The following IFT20 variants were observed in gnomAD, a reference collection of about 807,000 sequenced individuals.
IFT20 encodes intraflagellar transport 20.
Under a neutral mutation model 16.9 loss-of-function variants are expected in IFT20, and 4 were observed. The ratio of observed to expected loss-of-function variants is 0.24; its 90% CI spans 0.12 to 0.54. IFT20 has a LOEUF of 0.54. Ranked by LOEUF, IFT20 falls within the 20% of genes least tolerant of loss-of-function variation. The pLI is 0.95. For missense variants in IFT20, 154 were observed against 149.7 expected, an observed-to-expected ratio of 1.03 and a Z score of -0.15; for synonymous variants, 48 against 49.9, an observed-to-expected ratio of 0.96 and a Z score of 0.16.
intron 3 of IFT20, chr17:28,330,185 G>A (rs782686075): frequency 7.1e-5 from 44 of 619,300 alleles, no homozygotes; most frequent in African/African-American, 4.8e-4. Context: ...GCAGTGAGCC[G>A]AGATTGCACC....
At position 28,328,623 on chromosome 17, in the gene IFT20, C is replaced by G; in HGVS notation, c.*29G>C. ...TTTGAGAGGCTTTTTTTTGTTTTGCCTTCCTACTATAAAAGCGAAATTTTC... is the reference window on the plus strand; with the variant it reads ...TTTGAGAGGCTTTTTTTTGTTTTGCGTTCCTACTATAAAAGCGAAATTTTC... On this transcript the variant is annotated 3_prime_UTR_variant, in exon 5 of 5. Transcript: ENST00000395418. 6.7e-7 allele frequency: 1 copy of G among 1,497,494 alleles called. No individual in the cohort carries two copies. Among genetic ancestry groups the G allele is most frequent in the South Asian group, 1.2e-5 (1 of 83,414 alleles). The allele number at this position is 1,497,494 out of a possible 1,614,324, so 92.8% of individuals were successfully genotyped here.
At chr17:28,332,265 A>T (rs527555659) in intron 1 of IFT20, 2 of 1,485,238 alleles carry the variant, frequency 1.3e-6, no homozygotes, top group East Asian at 4.9e-5. Flanking sequence ...TGCTTGTCAC[A>T]GGCATCGTTC....
At chr17:28,332,315 A>ATGTAGTG in intron 1 of IFT20, 5 of 1,014,498 alleles carry the variant, frequency 4.9e-6, no homozygotes, top group Non-Finnish European at 7.3e-6. Flanking sequence ...ACATGCCAAC[A>ATGTAGTG]CTGCTAGATG....
chr17:28,335,227 G>A (rs1434734108), intron 1 of IFT20, 113 bp downstream of exon 1: 1 of 152,204 alleles, frequency 6.6e-6, no homozygotes, highest in African/African-American at 2.4e-5. Context: ...CTGAGAGTGG[G>A]GCGGAATTCC....
Position 28,328,696 on chromosome 17 carries a change from C to T in IFT20, c.355G>A (p.Ala119Thr), listed in dbSNP as rs1555575939. 2.5e-6 allele frequency: 4 copies of T among 1,604,722 alleles called. No homozygotes were observed. The highest frequency in any genetic ancestry group is 2.5e-6 in the Non-Finnish European group (3 of 1,176,630). The change falls in exon 5 of 5, where the codon GCA becomes ACA. Residue 119 changes from alanine (A) to threonine (T), a missense_variant. Physicochemically the swap from Ala to Thr is moderately conservative, Grantham distance 58. Transcript: ENST00000395418. ...VEYEALCKVE[A>T]EQNEFIDQFI... Reference sequence around the variant, plus strand: ...TGGTCAATAAATTCATTTTGTTCTGCTTCTACTTTACACAAAGCTTCATAT... The same window carrying T: ...TGGTCAATAAATTCATTTTGTTCTGTTTCTACTTTACACAAAGCTTCATAT...
At chr17:28,330,933 G>T (rs369927045) in intron 2 of IFT20, among the ~76,000 whole-genome samples, 1 of 152,198 alleles carries the variant, frequency 6.6e-6, no homozygotes, top group East Asian at 1.9e-4. Context: ...TATGACCTCC[G>T]GCTATGAAAG....
At chr17:28,329,322 C>T (rs781944074) in intron 3 of IFT20, 46 bp from the exon 4 acceptor site, 2 of 1,462,778 alleles carry the variant, frequency 1.4e-6, no homozygotes, top group Admixed American at 1.7e-5. Context: ...AAACCATCTA[C>T]AGCATCAAGT....
At chr17:28,331,741 C>G (rs534993662) in intron 2 of IFT20, 118 bp downstream of exon 2, 1 of 1,320,034 alleles carries the variant, frequency 7.6e-7, no homozygotes, top group Non-Finnish European at 1.1e-6. Context: ...AACTCACAGA[C>G]GCCAGATTCA....
At chr17:28,329,435 C>G (rs936478862) in intron 3 of IFT20, 159 bp from the exon 4 acceptor site, 2 of 601,668 alleles carry the variant, frequency 3.3e-6, no homozygotes, top group Admixed American at 6.2e-5. Context: ...GATTAACCTA[C>G]TGATCACAAA....
rs879948876 is a variant in IFT20, at chr17:28,330,740, ATG to A, written c.128-214_128-213del. Among the ~76,000 whole-genome samples, 14 of 152,216 alleles carry A rather than the reference ATG, an allele frequency of 9.2e-5. No individual in the cohort carries two copies. The South Asian group carries it at 1.0e-3, about 11-fold the overall frequency. ...ATCACTTGAACCCAGGAGTTAGAGG[ATG>A]TGTGATCATGCCTGTGAACTGCCAC... On this transcript the variant is annotated intron_variant, in intron 2 of 4. Transcript: ENST00000395418.
Position 28,329,167 on chromosome 17 carries a change from T to C in IFT20, c.317+6A>G, listed in dbSNP as rs1295574581. The stretch of plus-strand genomic sequence containing the variant: ...AAAGAACTTGCTTTACATCATGACT[T>C]CTTACCTTTCTAGCTGCATTTTCTT... On this transcript the variant is annotated splice_donor_region_variant and intron_variant, in intron 4 of 4. Transcript: ENST00000395418. 4.4e-6 allele frequency: 7 copies of C among 1,605,806 alleles called. No individual in the cohort carries two copies. Among genetic ancestry groups the C allele is most frequent in the Non-Finnish European group, 6.0e-6 (7 of 1,172,706 alleles).
At chr17:28,331,180 A>C (rs782592390) in intron 2 of IFT20, among the ~76,000 whole-genome samples, 4 of 152,208 alleles carry the variant, frequency 2.6e-5, no homozygotes, top group Admixed American at 6.5e-5. Context: ...ACTTTCTCCA[A>C]TGTCCTGGAT....
At chr17:28,329,718 G>A (rs1448714597) in intron 3 of IFT20, 2 of 165,398 alleles carry the variant, frequency 1.2e-5, no homozygotes, top group Non-Finnish European at 2.6e-5. Flanking sequence ...TTGAGGCCAG[G>A]AGTTTGCAAC....
In IFT20 at chr17:28,328,596, G is replaced by C. The variant is rs1555575904; in HGVS notation, c.*56C>G. ...CTGGAATGCTACAGAGGTTTTTTTG[G>C]TTTTGAGAGGCTTTTTTTTGTTTTG... is the stretch of plus-strand genomic sequence containing the variant. On this transcript the variant is annotated 3_prime_UTR_variant, in exon 5 of 5. Coordinates refer to ENST00000395418, the MANE Select transcript of IFT20 (RefSeq NM_001267776.2). 2 of 1,241,910 alleles carry C rather than the reference G, an allele frequency of 1.6e-6. No individual in the cohort carries two copies. The highest frequency in any genetic ancestry group is 4.8e-5 in the East Asian group (2 of 42,062). The allele number at this position is 1,241,910 out of a possible 1,614,324, so 76.9% of individuals were successfully genotyped here.
intron 1 of IFT20, among the ~76,000 whole-genome samples, chr17:28,333,675 A>T (rs1906937684): frequency 6.6e-6 from 1 of 152,234 alleles, no homozygotes; most frequent in African/African-American, 2.4e-5. Context: ...TCATGCCTGT[A>T]ATCCCAGCAC....
chr17:28,331,546 T>C, intron 2 of IFT20: 1 of 309,654 alleles, frequency 3.2e-6, no homozygotes, highest in Non-Finnish European at 6.1e-6. Flanking sequence ...GAGTACATAA[T>C]TCTATTTCCC....
At chr17:28,332,312 A>AGCATCTAGCAGTGTTGGC in intron 1 of IFT20, 1 of 1,060,250 alleles carries the variant, frequency 9.4e-7, no homozygotes, top group Non-Finnish European at 1.4e-6. Flanking sequence ...ACTACATGCC[A>AGCATCTAGCAGTGTTGGC]ACACTGCTAG....
At chr17:28,332,169 G>A (rs562615915) in intron 1 of IFT20, 182 bp from the exon 2 acceptor site, 43 of 1,539,552 alleles carry the variant, frequency 2.8e-5, no homozygotes, top group African/African-American at 4.1e-5. Context: ...AGGTTCCCTA[G>A]AGGAGTTCTG....
chr17:28,331,630 A>G, intron 2 of IFT20: 3 of 524,238 alleles, frequency 5.7e-6, no homozygotes, highest in Non-Finnish European at 1.0e-5. Flanking sequence ...GGCATATCTA[A>G]AGACACCCTC....
Sources: allele counts gnomAD v4.1 joint callset (sites outside exome capture counted in the v4.1 genomes callset), GRCh38; gene constraint gnomAD v4.1.1; transcripts MANE v1.5; gene names NCBI Gene and HGNC (gene_info 2026-07-23, HGNC 2026-07-21).